The following RBFOX1 variants were observed in gnomAD, a reference collection of about 807,000 sequenced individuals.
RBFOX1 encodes the protein RNA binding protein fox-1 homolog 1.
In RBFOX1, 8 loss-of-function variants were observed where a neutral mutation model predicts 57.7. That is an observed-to-expected ratio of 0.14 (90% CI 0.08 to 0.25). The LOEUF is 0.25. RBFOX1 is among the 10% of genes least tolerant of loss of function. The pLI, the probability that RBFOX1 is intolerant of heterozygous loss-of-function variation, is 1.00. For missense variants in RBFOX1, 611 were observed against 548.5 expected, an observed-to-expected ratio of 1.11 and a Z score of -1.14; for synonymous variants, 326 against 222.4, an observed-to-expected ratio of 1.47 and a Z score of -4.15.
intron 4 of RBFOX1, among the ~76,000 whole-genome samples, chr16:7,174,490 C>G (rs2081282997): frequency 6.6e-6 from 1 of 152,054 alleles, no homozygotes; most frequent in Non-Finnish European, 1.5e-5. Flanking sequence ...CTTAAGAAAC[C>G]ACTAAACTGG....
chr16:5,940,748 G>C (rs1436117), intron 4 of RBFOX1, among the ~76,000 whole-genome samples: 4,964 of 152,200 alleles, frequency 0.033, 309 homozygotes, highest in East Asian at 0.21. Flanking sequence ...GAGGGGAGGA[G>C]AAATAAATTC....
intron 3 of RBFOX1, among the ~76,000 whole-genome samples, chr16:6,863,989 CTTTTT>C (rs58541296): frequency 8.0e-6 from 1 of 125,334 alleles, no homozygotes. Context: ...CTTTATGTTC[CTTTTT>C]TTTTTTTTTT....
At chr16:7,524,508 G>T (rs896284710) in intron 5 of RBFOX1, among the ~76,000 whole-genome samples, 4 of 152,178 alleles carry the variant, frequency 2.6e-5, no homozygotes, top group Non-Finnish European at 5.9e-5. Flanking sequence ...TATCATTAGA[G>T]ATTTGCAAGT....
intron 2 of RBFOX1, among the ~76,000 whole-genome samples, chr16:6,431,110 T>G (rs2094069551): frequency 6.6e-6 from 1 of 151,770 alleles, no homozygotes; most frequent in Admixed American, 6.6e-5. Context: ...TGCACTGCAG[T>G]CTGGGTGACA....
chr16:6,803,858 A>G (rs888521285), intron 3 of RBFOX1, among the ~76,000 whole-genome samples: 1 of 152,334 alleles, frequency 6.6e-6, no homozygotes, highest in Non-Finnish European at 1.5e-5. Flanking sequence ...TCCTTTTACA[A>G]TAAAAAACCA....
At chr16:6,851,900 G>C (rs2094088836) in intron 3 of RBFOX1, among the ~76,000 whole-genome samples, 1 of 151,238 alleles carries the variant, frequency 6.6e-6, no homozygotes, top group Non-Finnish European at 1.5e-5. Context: ...GGGGGTTGGA[G>C]AGTACGGTGT....
At chr16:7,689,340 C>T (rs911938123) in intron 14 of RBFOX1, among the ~76,000 whole-genome samples, 2 of 152,102 alleles carry the variant, frequency 1.3e-5, no homozygotes, top group African/African-American at 2.4e-5. Context: ...GACAGGTGAG[C>T]TTTGAAGTGA....
intron 1 of RBFOX1, among the ~76,000 whole-genome samples, chr16:6,065,665 G>A (rs763873120): frequency 6.6e-6 from 1 of 152,170 alleles, no homozygotes; most frequent in Non-Finnish European, 1.5e-5. Context: ...TTTGAGATGT[G>A]ATATAATGTG....
At chr16:6,538,901 A>G (rs1274903555) in intron 2 of RBFOX1, among the ~76,000 whole-genome samples, 1 of 152,052 alleles carries the variant, frequency 6.6e-6, no homozygotes, top group Non-Finnish European at 1.5e-5. Flanking sequence ...CTTTCCAGTG[A>G]TTTTACCATT....
At chr16:5,488,684 C>T (rs1468366845) in intron 2 of RBFOX1, among the ~76,000 whole-genome samples, 17 of 129,076 alleles carry the variant, frequency 1.3e-4, no homozygotes, top group Non-Finnish European at 1.9e-4. Context: ...TGGAAGGTGA[C>T]GGTGATGATG....
At position 6,926,182 on chromosome 16, in the gene RBFOX1, C is replaced by G. The variant is rs192318954; in HGVS notation, c.-15-125875C>G. Among the ~76,000 whole-genome samples the G allele has an allele frequency of 1.2e-3, 181 of 152,272 alleles. 1 individual carries two copies. Among genetic ancestry groups the G allele is most frequent in the African/African-American group, 4.1e-3 (170 of 41,552 alleles). On this transcript the variant is annotated intron_variant, in intron 3 of 15. Coordinates refer to ENST00000550418, the MANE Select transcript of RBFOX1 (RefSeq NM_018723.4). ...ACTAGCTGGGCATGGTGGTGTGCAT[C>G]TGTAATCTCAGCTAATCCAGAGGCT...
intron 3 of RBFOX1, among the ~76,000 whole-genome samples, chr16:6,882,621 G>T (rs116955377): frequency 0.017 from 2,543 of 152,116 alleles, 44 homozygotes; most frequent in Non-Finnish European, 0.025. Context: ...AAATAAATAA[G>T]ATCATGTTTG....
Position 5,754,502 on chromosome 16 carries a change from G to A in RBFOX1, c.319-112801G>A, listed in dbSNP as rs903969983. On this transcript the variant is annotated intron_variant, in intron 3 of 19. Transcript: ENST00000641259. ...TATAGAGAAAGAAATAAGGGGACCC[G>A]GGGAACCAGCGTTCAGCATATGGAG... Among the ~76,000 whole-genome samples the A allele has an allele frequency of 1.2e-4, 17 of 143,084 alleles. No homozygotes were observed. In the East Asian group the frequency reaches 1.5e-3, roughly 13 times the overall value. 93.9% of individuals were successfully genotyped at this position (143,084 alleles called of 152,430 possible).
chr16:6,780,117 A>T lies in RBFOX1; in HGVS notation c.-16+125467A>T, dbSNP rs1311398189. On this transcript the variant is annotated intron_variant, in intron 3 of 15. Transcript: ENST00000550418. ...TATATATTTTTATATATTTATATATATTTATATATATATTTATATATTTAT... is the reference window on the plus strand; with the variant it reads ...TATATATTTTTATATATTTATATATTTTTATATATATATTTATATATTTAT... Among the ~76,000 whole-genome samples the T allele has an allele frequency of 8.4e-4, 34 of 40,468 alleles. 8 individuals are homozygous for T. Among genetic ancestry groups the T allele is most frequent in the Non-Finnish European group, 1.0e-3 (29 of 27,966 alleles). 26.5% of individuals were successfully genotyped at this position (40,468 alleles called of 152,430 possible). A position where few individuals can be genotyped will look rare whatever the true frequency, so the allele number is the denominator to read the frequency against.
At chr16:6,420,231 A>G (rs1297990510) in intron 2 of RBFOX1, among the ~76,000 whole-genome samples, 1 of 152,194 alleles carries the variant, frequency 6.6e-6, no homozygotes. Context: ...ACCTTCAGCA[A>G]AATTATAGAT....
chr16:6,672,016 A>G (rs990571637), intron 3 of RBFOX1, among the ~76,000 whole-genome samples: 1 of 152,220 alleles, frequency 6.6e-6, no homozygotes, highest in African/African-American at 2.4e-5. Context: ...TAACTTATGC[A>G]CTGTACCAAA....
At chr16:5,426,669 C>G (rs1375317665) in intron 1 of RBFOX1, among the ~76,000 whole-genome samples, 1 of 152,218 alleles carries the variant, frequency 6.6e-6, no homozygotes, top group African/African-American at 2.4e-5. Flanking sequence ...TTGACTCTCT[C>G]TGGAGAGGGA....
chr16:6,664,060 G>A (rs1350050240), intron 3 of RBFOX1, among the ~76,000 whole-genome samples: 2 of 152,198 alleles, frequency 1.3e-5, no homozygotes, highest in Admixed American at 1.3e-4. Flanking sequence ...GAAATGGTCA[G>A]GTGTGTAAAG....
intron 1 of RBFOX1, among the ~76,000 whole-genome samples, chr16:5,344,194 A>G (rs1340969568): frequency 6.6e-6 from 1 of 152,116 alleles, no homozygotes; most frequent in Non-Finnish European, 1.5e-5. Context: ...CACTCTGCAA[A>G]TGTCTGCTGC....
Sources: allele counts gnomAD v4.1 joint callset (sites outside exome capture counted in the v4.1 genomes callset), GRCh38; gene constraint gnomAD v4.1.1; transcripts MANE v1.5; gene names NCBI Gene and HGNC (gene_info 2026-07-23, HGNC 2026-07-21).